The following SAMD12 variants were observed in gnomAD, a reference collection of about 807,000 sequenced individuals.
SAMD12 encodes sterile alpha motif domain-containing protein 12.
Under a neutral mutation model 15.0 loss-of-function variants are expected in SAMD12, and 9 were observed. The ratio of observed to expected loss-of-function variants is 0.60; its 90% CI spans 0.36 to 1.05. The LOEUF is 1.05. Among genes scored for constraint, SAMD12 ranks in the 50% least tolerant of loss-of-function variants. The probability of loss-of-function intolerance (pLI) is 0.01; values close to 1 mark genes in which losing one functional copy is unlikely to be tolerated. For missense variants in SAMD12, 230 were observed against 234.2 expected, an observed-to-expected ratio of 0.98 and a Z score of 0.12; for synonymous variants, 86 against 90.1, an observed-to-expected ratio of 0.96 and a Z score of 0.25.
At chr8:118,491,074 C>T (rs1313552312) in intron 2 of SAMD12, among the ~76,000 whole-genome samples, 1 of 152,138 alleles carries the variant, frequency 6.6e-6, no homozygotes, top group Non-Finnish European at 1.5e-5. Context: ...ATGAACATGA[C>T]TATACCCAGA....
At chr8:118,198,274 A>G (rs542761585) in intron 4 of SAMD12, among the ~76,000 whole-genome samples, 1 of 152,224 alleles carries the variant, frequency 6.6e-6, no homozygotes, top group African/African-American at 2.4e-5. Flanking sequence ...AGATAGAGAA[A>G]GTCATTAAAA....
intron 4 of SAMD12, among the ~76,000 whole-genome samples, chr8:118,224,229 T>C (rs1214958912): frequency 1.3e-5 from 2 of 152,162 alleles, no homozygotes; most frequent in Non-Finnish European, 2.9e-5. Context: ...AGGTCTGGGT[T>C]CTAACCTTGA....
At chr8:118,392,888 G>T (rs1224922315) in intron 3 of SAMD12, among the ~76,000 whole-genome samples, 1 of 151,938 alleles carries the variant, frequency 6.6e-6, no homozygotes, top group Non-Finnish European at 1.5e-5. Flanking sequence ...TTTGGCAAAG[G>T]TTTGCTGGAG....
intron 2 of SAMD12, among the ~76,000 whole-genome samples, chr8:118,490,420 G>GA (rs1239084539): frequency 2.0e-5 from 3 of 152,040 alleles, no homozygotes; most frequent in Non-Finnish European, 4.4e-5. Context: ...TCATCCCTAA[G>GA]GACAAAGAAA....
In SAMD12 at chr8:118,378,450, C is replaced by T. The variant is rs1024973810; in HGVS notation, c.*967G>A. 2.0e-6 allele frequency: 2 copies of T among 982,142 alleles called. No homozygotes were observed. The highest frequency in any genetic ancestry group is 3.5e-5 in the African/African-American group (2 of 57,144). 60.8% of individuals were successfully genotyped at this position (982,142 alleles called of 1,614,324 possible). Reference sequence around the variant, plus strand: ...CTCTGAGGACAAAATGCAAATAATGCATATGAGACAAACAATACTATTTTA... The same window carrying T: ...CTCTGAGGACAAAATGCAAATAATGTATATGAGACAAACAATACTATTTTA... On this transcript the variant is annotated 3_prime_UTR_variant, in exon 4 of 4. Transcript: ENST00000314727.
At chr8:118,151,262 T>C in the SAMD12 span, among the ~76,000 whole-genome samples, 2 of 152,192 alleles carry the variant, frequency 1.3e-5, no homozygotes, top group Non-Finnish European at 2.9e-5. Context: ...GGTATTTCTT[T>C]TTTATGTTTC....
exon 5 of SAMD12, chr8:118,197,729 G>A (rs201659780): frequency 1.1e-5 from 18 of 1,613,312 alleles, no homozygotes; most frequent in Middle Eastern, 1.6e-4. Context: ...ACCCTCAGAT[G>A]ATGCTGCAAG....
At chr8:118,382,757 C>G (rs1819739374) in intron 3 of SAMD12, among the ~76,000 whole-genome samples, 1 of 151,914 alleles carries the variant, frequency 6.6e-6, no homozygotes, top group African/African-American at 2.4e-5. Flanking sequence ...TTTTCCCACT[C>G]TATATTCAGT....
intron 2 of SAMD12, among the ~76,000 whole-genome samples, chr8:118,457,138 T>C (rs1171585416): frequency 6.6e-6 from 1 of 152,196 alleles, no homozygotes; most frequent in African/African-American, 2.4e-5. Flanking sequence ...ATAAATAGTA[T>C]TCTTTGCCAT....
intron 4 of SAMD12, among the ~76,000 whole-genome samples, chr8:118,347,675 A>G (rs1190142240): frequency 2.0e-5 from 3 of 152,232 alleles, no homozygotes; most frequent in Non-Finnish European, 4.4e-5. Context: ...CACTTATAAC[A>G]TCCTGTTGAT....
the SAMD12 span, among the ~76,000 whole-genome samples, chr8:118,171,798 C>T: frequency 4.1e-4 from 61 of 150,420 alleles, no homozygotes; most frequent in Admixed American, 1.4e-3. Flanking sequence ...TTGCTTGGCC[C>T]CTTGAATATA....
chr8:118,214,535 A>G (rs577635648), intron 4 of SAMD12, among the ~76,000 whole-genome samples: 10 of 152,356 alleles, frequency 6.6e-5, no homozygotes, highest in Admixed American at 1.3e-4. Context: ...AAATATATCT[A>G]TATCTTCTTT....
intron 2 of SAMD12, among the ~76,000 whole-genome samples, chr8:118,520,374 G>A (rs942937586): frequency 5.9e-5 from 9 of 152,250 alleles, no homozygotes; most frequent in South Asian, 2.1e-4. Context: ...CATACTGTAC[G>A]GGTGTGAGAT....
chr8:118,360,012 C>T (rs1818411061), intron 4 of SAMD12, among the ~76,000 whole-genome samples: 1 of 152,122 alleles, frequency 6.6e-6, no homozygotes, highest in Admixed American at 6.5e-5. Flanking sequence ...GCTGACCTTA[C>T]ATGGTCTGAG....
chr8:118,180,173 C>CCTTTAT, the SAMD12 span, among the ~76,000 whole-genome samples: 1 of 152,290 alleles, frequency 6.6e-6, no homozygotes, highest in African/African-American at 2.4e-5. Flanking sequence ...TGTTCTGAAT[C>CCTTTAT]CTTTATCTTT....
intron 2 of SAMD12, among the ~76,000 whole-genome samples, chr8:118,536,437 T>TACACAAACAC (rs144938050): frequency 7.8e-6 from 1 of 128,172 alleles, no homozygotes; most frequent in Non-Finnish European, 1.7e-5. Flanking sequence ...TGTAGACTGA[T>TACACAAACAC]ACACAAACAC....
chr8:118,510,870 T>C (rs535970482), intron 2 of SAMD12, among the ~76,000 whole-genome samples: 1 of 152,340 alleles, frequency 6.6e-6, no homozygotes, highest in African/African-American at 2.4e-5. Context: ...CGAGAATGCA[T>C]TTCCTCCAAG....
At chr8:118,156,625 ATT>A in the SAMD12 span, among the ~76,000 whole-genome samples, 2 of 152,188 alleles carry the variant, frequency 1.3e-5, no homozygotes, top group Non-Finnish European at 2.9e-5. Flanking sequence ...TAAGTGCATA[ATT>A]CAATTTAGTA....
At chr8:118,228,469 G>A (rs1812232016) in intron 4 of SAMD12, among the ~76,000 whole-genome samples, 1 of 152,056 alleles carries the variant, frequency 6.6e-6, no homozygotes, top group African/African-American at 2.4e-5. Context: ...ATCAAAAAGT[G>A]GGCTAAGGAC....
Sources: allele counts gnomAD v4.1 joint callset (sites outside exome capture counted in the v4.1 genomes callset), GRCh38; gene constraint gnomAD v4.1.1; transcripts MANE v1.5; gene names NCBI Gene and HGNC (gene_info 2026-07-23, HGNC 2026-07-21).